Variants in DOCK3 observed in about 807,000 individuals in gnomAD.
DOCK3 encodes the protein dedicator of cytokinesis protein 3.
A neutral mutation model predicts 265.6 loss-of-function variants in DOCK3; 60 were observed. The ratio of observed to expected loss-of-function variants is 0.23; its 90% CI spans 0.18 to 0.28. The LOEUF (loss-of-function observed/expected upper bound fraction) is 0.28, where lower values mean the gene tolerates loss of function less well. Among genes scored for constraint, DOCK3 ranks in the 10% least tolerant of loss-of-function variants. The pLI is 1.00. For synonymous variants in DOCK3, 881 were observed against 938.0 expected (o/e 0.94, Z 1.11); for missense variants, 1,981 against 2,594.3 (o/e 0.76, Z 5.14).
Position 51,016,529 on chromosome 3 carries a change from AAT to A in DOCK3, c.316-47914_316-47913del, listed in dbSNP as rs1295495851. Among the ~76,000 whole-genome samples, 5 of 56,798 alleles carry A rather than the reference AAT, an allele frequency of 8.8e-5. 1 individual carries two copies. Among genetic ancestry groups the A allele is most frequent in the African/African-American group, 2.0e-4 (2 of 10,008 alleles). The allele number at this position is 56,798 out of a possible 152,430, so 37.3% of individuals were successfully genotyped here. ...ATATATATATCATATATTTCTATAT[AAT>A]ATATGATATATATATTTATATATAT... On this transcript the variant is annotated intron_variant, in intron 5 of 52. Coordinates refer to ENST00000266037, the MANE Select transcript of DOCK3 (RefSeq NM_004947.5).
At chr3:50,903,919 C>T (rs1365381453) in intron 4 of DOCK3, among the ~76,000 whole-genome samples, 2 of 152,060 alleles carry the variant, frequency 1.3e-5, no homozygotes, top group Admixed American at 6.6e-5. Context: ...CCCCACTCCC[C>T]CCACCCCACA....
chr3:50,696,427 A>G (rs984400457), intron 1 of DOCK3, among the ~76,000 whole-genome samples: 4 of 152,236 alleles, frequency 2.6e-5, no homozygotes, highest in African/African-American at 9.6e-5. Context: ...GTAAATGTCA[A>G]ACATGTACAA....
At position 51,112,393 on chromosome 3, in the gene DOCK3, A is replaced by T. The variant is rs866771287; in HGVS notation, c.746+22009A>T. The stretch of plus-strand genomic sequence containing the variant: ...TAAAGTTCAAGAATAGGCAAACCTG[A>T]ACTATAGTCATGGTTGGTAGTATTC... On this transcript the variant is annotated intron_variant, in intron 9 of 52. Coordinates refer to ENST00000266037, the MANE Select transcript of DOCK3 (RefSeq NM_004947.5). 4.6e-5 allele frequency among the ~76,000 whole-genome samples: 7 copies of T among 152,318 alleles called. No individual in the cohort carries two copies. The East Asian group carries it at 5.8e-4, about 13-fold the overall frequency.
intron 1 of DOCK3, among the ~76,000 whole-genome samples, chr3:50,745,675 T>A (rs2039380646): frequency 6.6e-6 from 1 of 152,206 alleles, no homozygotes; most frequent in Admixed American, 6.5e-5. Context: ...AAGCAGCTGC[T>A]TCAGGAATAT....
At chr3:51,172,703 TTTGTC>T (rs1173696360) in intron 12 of DOCK3, among the ~76,000 whole-genome samples, 2 of 152,174 alleles carry the variant, frequency 1.3e-5, no homozygotes, top group Non-Finnish European at 2.9e-5. Flanking sequence ...GTTTGGTAGT[TTTGTC>T]TTGTTTTTTC....
At chr3:51,248,392 G>T (rs984325885) in intron 22 of DOCK3, among the ~76,000 whole-genome samples, 1 of 152,322 alleles carries the variant, frequency 6.6e-6, no homozygotes, top group South Asian at 2.1e-4. Context: ...ACGGGGTTTC[G>T]CTGTGTTGGC....
intron 5 of DOCK3, among the ~76,000 whole-genome samples, chr3:51,019,149 C>T (rs549180994): frequency 1.3e-5 from 2 of 151,906 alleles, no homozygotes; most frequent in Admixed American, 1.3e-4. Flanking sequence ...ACTTTATCAG[C>T]CTTACCCTTT....
chr3:51,137,772 G>A (rs886540905), intron 9 of DOCK3, among the ~76,000 whole-genome samples: 1 of 152,194 alleles, frequency 6.6e-6, no homozygotes, highest in Non-Finnish European at 1.5e-5. Context: ...AGGTAGAGTA[G>A]TTGTCTTGTA....
At chr3:51,035,051 C>T (rs773203940) in intron 5 of DOCK3, among the ~76,000 whole-genome samples, 3 of 151,704 alleles carry the variant, frequency 2.0e-5, no homozygotes, top group Non-Finnish European at 2.9e-5. Flanking sequence ...GCATTAATTC[C>T]TTTAGTCTGT....
At chr3:51,024,435 T>A (rs2079725592) in intron 5 of DOCK3, among the ~76,000 whole-genome samples, 1 of 152,150 alleles carries the variant, frequency 6.6e-6, no homozygotes, top group Non-Finnish European at 1.5e-5. Context: ...TAATACCCAA[T>A]GGTGGGCAGA....
intron 1 of DOCK3, among the ~76,000 whole-genome samples, chr3:50,708,482 G>T (rs1009994649): frequency 6.6e-6 from 1 of 152,194 alleles, no homozygotes; most frequent in Non-Finnish European, 1.5e-5. Context: ...GGGCTTTAGG[G>T]ATGTGGTTGT....
chr3:51,120,157 G>A (rs967128335), intron 9 of DOCK3, among the ~76,000 whole-genome samples: 2 of 152,210 alleles, frequency 1.3e-5, no homozygotes, highest in African/African-American at 4.8e-5. Context: ...ATGCATGGTC[G>A]TATTTTTTGC....
intron 7 of DOCK3, among the ~76,000 whole-genome samples, chr3:51,088,487 T>A (rs2082513417): frequency 6.6e-6 from 1 of 152,226 alleles, no homozygotes; most frequent in African/African-American, 2.4e-5. Context: ...GATTTGATAA[T>A]TATACATTGT....
At chr3:51,183,423 G>A (rs1007940876) in intron 12 of DOCK3, among the ~76,000 whole-genome samples, 1 of 152,166 alleles carries the variant, frequency 6.6e-6, no homozygotes, top group Non-Finnish European at 1.5e-5. Context: ...AATGGTTGGG[G>A]GTGGGGGGAA....
intron 27 of DOCK3, among the ~76,000 whole-genome samples, chr3:51,304,758 C>T (rs2082560623): frequency 6.6e-6 from 1 of 152,206 alleles, no homozygotes; most frequent in African/African-American, 2.4e-5. Flanking sequence ...TCGCACCACC[C>T]TGCTTTTCCT....
At chr3:50,688,174 C>T (rs2034966638) in intron 1 of DOCK3, among the ~76,000 whole-genome samples, 2 of 152,170 alleles carry the variant, frequency 1.3e-5, no homozygotes, top group South Asian at 4.1e-4. Context: ...TTAGTTTTAG[C>T]GATGTGGTTA....
intron 5 of DOCK3, among the ~76,000 whole-genome samples, chr3:50,979,370 T>G (rs1263955554): frequency 6.6e-6 from 1 of 152,208 alleles, no homozygotes; most frequent in Non-Finnish European, 1.5e-5. Flanking sequence ...ATCCCAATAT[T>G]GGAGATAGGG....
intron 2 of DOCK3, among the ~76,000 whole-genome samples, chr3:50,782,779 C>A (rs988936569): frequency 6.6e-5 from 10 of 151,942 alleles, no homozygotes; most frequent in African/African-American, 2.2e-4. Flanking sequence ...TTTTATCCCT[C>A]ACCCACCTCC....
At chr3:50,813,356 T>C (rs909162019) in intron 2 of DOCK3, among the ~76,000 whole-genome samples, 3 of 152,034 alleles carry the variant, frequency 2.0e-5, no homozygotes, top group Non-Finnish European at 4.4e-5. Context: ...GGCAACATAG[T>C]GAGACCCTGT....
Sources: gnomAD v4.1 joint callset for allele counts (sites outside exome capture counted in the v4.1 genomes callset) on GRCh38, gnomAD v4.1.1 for gene constraint, MANE v1.5 for transcripts, NCBI Gene and HGNC (gene_info 2026-07-23, HGNC 2026-07-21) for gene names.